Variants in UNC13B observed in about 807,000 individuals in gnomAD.
The protein encoded by UNC13B is unc-13 homolog B.
Under a neutral mutation model 211.0 loss-of-function variants are expected in UNC13B, and 144 were observed. The ratio of observed to expected loss-of-function variants is 0.68; its 90% CI spans 0.60 to 0.78. The LOEUF (loss-of-function observed/expected upper bound fraction) is 0.78, where lower values mean the gene tolerates loss of function less well. Among genes scored for constraint, UNC13B ranks in the 30% least tolerant of loss-of-function variants. The probability of loss-of-function intolerance (pLI) is 0.00; values close to 1 mark genes in which losing one functional copy is unlikely to be tolerated. For synonymous variants in UNC13B, 709 were observed against 725.8 expected (o/e 0.98, Z 0.37); for missense variants, 1,777 against 2,002.0 (o/e 0.89, Z 2.14).
rs1174742080 is a variant in UNC13B, at chr9:35,300,644, TATGTAGCAAATTCAGC to T, written c.1243_1258del (p.Val415CysfsTer6). 8 of 398,860 alleles carry T rather than the reference TATGTAGCAAATTCAGC, an allele frequency of 2.0e-5. No homozygotes were observed. Among genetic ancestry groups the T allele is most frequent in the Non-Finnish European group, 3.5e-5 (8 of 226,024 alleles). 24.7% of individuals were successfully genotyped at this position (398,860 alleles called of 1,614,324 possible). On this transcript the variant is annotated frameshift_variant, in exon 9 of 40. Coordinates refer to ENST00000635942, the MANE Select transcript of UNC13B (RefSeq NM_001371189.2). LOFTEE classifies it high-confidence loss of function. ...TATTGGAGATTTTCCTGAGGAATAT[TATGTAGCAAATTCAGC>T]ATTGCCATTACAAAGGATGAATTGT... is the stretch of plus-strand genomic sequence containing the variant.
rs949699976 is a variant in UNC13B at position 35,295,864 on chromosome 9, C to G, written c.695C>G (p.Ser232Cys). 6.2e-7 allele frequency: 1 copy of G among 1,614,018 alleles called. No individual in the cohort carries two copies. Among genetic ancestry groups the G allele is most frequent in the Non-Finnish European group, 8.5e-7 (1 of 1,180,032 alleles). The change falls in exon 8 of 40, where the codon TCC (serine) becomes TGC (cysteine). Residue 232 changes from serine (S) to cysteine (C), a missense_variant. Ser to Cys is a moderately radical substitution (Grantham distance 112). Transcript: ENST00000635942. ...SPQQLLLQGS[S>C]RDSCNDSMQS... ...CAGCAGCTGCTACTTCAAGGCAGTT[C>G]CCGGGACTCTTGTAATGACTCTATG...
At chr9:35,178,699 T>C (rs1821771252) in intron 1 of UNC13B, among the ~76,000 whole-genome samples, 1 of 151,648 alleles carries the variant, frequency 6.6e-6, no homozygotes, top group African/African-American at 2.4e-5. Context: ...GAGACCAGCG[T>C]GGCCAACATG....
intron 1 of UNC13B, among the ~76,000 whole-genome samples, chr9:35,212,004 C>A (rs1823995088): frequency 6.6e-6 from 1 of 152,098 alleles, no homozygotes; most frequent in Admixed American, 6.5e-5. Context: ...TGCACCCACC[C>A]GGTAATGTAC....
At position 35,294,087 on chromosome 9, in the gene UNC13B, ATCTACCAACTTG is replaced by A. The variant is rs376348018; in HGVS notation, c.527-1604_527-1593del. Among the ~76,000 whole-genome samples the A allele has an allele frequency of 3.2e-3, 493 of 152,232 alleles. 2 individuals carry two copies. The highest frequency in any genetic ancestry group is 0.011 in the African/African-American group (468 of 41,554). ...TGTGCTCTCTTTTAGTGGAATTCTT[ATCTACCAACTTG>A]TCTAATGAAGCCAAGGGGGGTCATT... is the stretch of plus-strand genomic sequence containing the variant. On this transcript the variant is annotated intron_variant, in intron 7 of 39. Coordinates refer to ENST00000635942, the MANE Select transcript of UNC13B (RefSeq NM_001371189.2).
At chr9:35,277,353 T>G (rs1406286654) in intron 7 of UNC13B, among the ~76,000 whole-genome samples, 1 of 152,216 alleles carries the variant, frequency 6.6e-6, no homozygotes, top group Non-Finnish European at 1.5e-5. Flanking sequence ...TTCAGGCGAT[T>G]GAGACATGAG....
chr9:35,165,483 T>A (rs1164798222), intron 1 of UNC13B, among the ~76,000 whole-genome samples: 1 of 151,386 alleles, frequency 6.6e-6, no homozygotes, highest in Non-Finnish European at 1.5e-5. Context: ...AGTGGCATGA[T>A]CTCAGCTCAC....
intron 17 of UNC13B, among the ~76,000 whole-genome samples, chr9:35,379,341 C>G (rs893182251): frequency 6.6e-6 from 1 of 151,882 alleles, no homozygotes; most frequent in South Asian, 2.1e-4. Context: ...CCAGCTTACT[C>G]GGGAGGCTGA....
intron 1 of UNC13B, among the ~76,000 whole-genome samples, chr9:35,206,611 C>T (rs962232229): frequency 6.6e-5 from 10 of 151,770 alleles, no homozygotes; most frequent in Admixed American, 6.6e-5. Flanking sequence ...CACAGTGGCT[C>T]ACACCTGTAA....
At chr9:35,353,504 G>T in intron 11 of UNC13B, 1 of 1,232,116 alleles carries the variant, frequency 8.1e-7, no homozygotes, top group Non-Finnish European at 1.0e-6. Flanking sequence ...GGTCTCTGGT[G>T]GAGTTGGCGT....
chr9:35,281,919 G>A (rs773353477), intron 7 of UNC13B, among the ~76,000 whole-genome samples: 5 of 152,138 alleles, frequency 3.3e-5, no homozygotes, highest in Non-Finnish European at 5.9e-5. Context: ...TGATGGCTTC[G>A]GTGGAGGGAA....
At position 35,291,069 on chromosome 9, in the gene UNC13B, G is replaced by A. The variant is rs1436661112; in HGVS notation, c.527-4627G>A. The A allele has an allele frequency of 4.5e-6, 7 of 1,550,190 alleles. No homozygotes were observed. In the South Asian group the frequency reaches 7.1e-5, roughly 16 times the overall value. ...TGCTGCTTCTTTGTGGTTTTCTTAG[G>A]TCACTGGACCTATTTGGGCTGGGGA... On this transcript the variant is annotated intron_variant, in intron 7 of 39. Coordinates refer to ENST00000635942, the MANE Select transcript of UNC13B (RefSeq NM_001371189.2).
chr9:35,169,641 C>A (rs761809633), intron 1 of UNC13B, among the ~76,000 whole-genome samples: 1 of 152,190 alleles, frequency 6.6e-6, no homozygotes, highest in South Asian at 2.1e-4. Flanking sequence ...TAGAGCAGAG[C>A]TGTGGCTGTG....
chr9:35,358,891 G>A (rs1425968191), intron 11 of UNC13B, among the ~76,000 whole-genome samples: 1 of 151,756 alleles, frequency 6.6e-6, no homozygotes, highest in Non-Finnish European at 1.5e-5. Flanking sequence ...GTAGAGAGGA[G>A]GTTTCACCAT....
chr9:35,257,336 TAAATATTTATAA>T (rs1564097712), intron 6 of UNC13B, among the ~76,000 whole-genome samples: 1 of 131,506 alleles, frequency 7.6e-6, no homozygotes, highest in African/African-American at 2.8e-5. Context: ...AATATTTATA[TAAATATTTATAA>T]AAATATTTAT....
chr9:35,392,792 TAAAAA>T (rs1421760556), intron 26 of UNC13B, among the ~76,000 whole-genome samples: 2 of 147,354 alleles, frequency 1.4e-5, no homozygotes, highest in Admixed American at 6.7e-5. Flanking sequence ...TAAAGTATAA[TAAAAA>T]ATAAAATAAA....
intron 1 of UNC13B, among the ~76,000 whole-genome samples, chr9:35,215,845 C>T (rs759971996): frequency 8.5e-5 from 13 of 152,058 alleles, no homozygotes; most frequent in African/African-American, 1.7e-4. Context: ...GTCTCTGAGC[C>T]GGAGTTTTAA....
At chr9:35,296,580 A>G (rs756123468) in intron 8 of UNC13B, among the ~76,000 whole-genome samples, 3 of 152,166 alleles carry the variant, frequency 2.0e-5, no homozygotes, top group Admixed American at 6.5e-5. Context: ...AAGTACATAC[A>G]TATGTGCTCT....
intron 1 of UNC13B, among the ~76,000 whole-genome samples, chr9:35,197,544 T>G (rs770056309): frequency 6.6e-6 from 1 of 152,210 alleles, no homozygotes; most frequent in Non-Finnish European, 1.5e-5. Context: ...ATATGTGATA[T>G]GTTTTCAGAA....
chr9:35,281,876 A>C (rs1300172408), intron 7 of UNC13B, among the ~76,000 whole-genome samples: 3 of 152,208 alleles, frequency 2.0e-5, no homozygotes, highest in Non-Finnish European at 4.4e-5. Context: ...GCATGACTTA[A>C]GGTACCTTGG....
Sources: gnomAD v4.1 joint callset for allele counts (sites outside exome capture counted in the v4.1 genomes callset) on GRCh38, gnomAD v4.1.1 for gene constraint, MANE v1.5 for transcripts, NCBI Gene and HGNC (gene_info 2026-07-23, HGNC 2026-07-21) for gene names.